LAMA3: variants seen among roughly 807,000 people sequenced by gnomAD.
LAMA3 encodes laminin subunit alpha 3.
In LAMA3, 281 loss-of-function variants were observed where a neutral mutation model predicts 402.0. The observed-to-expected ratio is 0.70, with a 90% confidence interval of 0.63 to 0.77. The LOEUF (loss-of-function observed/expected upper bound fraction) is 0.77, where lower values mean the gene tolerates loss of function less well. LAMA3 is among the 30% of genes least tolerant of loss of function. LAMA3 has a pLI of 0.00. For synonymous variants in LAMA3, 1,431 were observed against 1,558.4 expected (o/e 0.92, Z 1.93); for missense variants, 3,840 against 4,215.5 (o/e 0.91, Z 2.47).
chr18:23,937,407 A>C (rs1476143070), intron 67 of LAMA3, among the ~76,000 whole-genome samples: 1 of 149,218 alleles, frequency 6.7e-6, no homozygotes, highest in Non-Finnish European at 1.5e-5. Flanking sequence ...AAGAGGGCTG[A>C]CTTTCAGGGC....
chr18:23,879,321 A>G lies in LAMA3; in HGVS notation c.5113-2615A>G, dbSNP rs1178103272. Reference sequence around the variant, plus strand: ...CATTCCCTCCACACACTGCCATGCTATTGTGAGACTGAGGTTCTGCACGCT... The same window carrying G: ...CATTCCCTCCACACACTGCCATGCTGTTGTGAGACTGAGGTTCTGCACGCT... On this transcript the variant is annotated intron_variant, in intron 39 of 74. Coordinates refer to ENST00000313654, the MANE Select transcript of LAMA3 (RefSeq NM_198129.4). This position sits in a 1 kb window ranked among gnomAD's most constrained non-coding sequence, Gnocchi z 4.2. Among the ~76,000 whole-genome samples, 2 of 152,052 alleles carry G rather than the reference A, an allele frequency of 1.3e-5. No individual in the cohort carries two copies. Among genetic ancestry groups the G allele is most frequent in the Non-Finnish European group, 2.9e-5 (2 of 68,008 alleles).
At chr18:23,705,446 G>GAAATACAC (rs2060868496) in intron 1 of LAMA3, among the ~76,000 whole-genome samples, 1 of 82,122 alleles carries the variant, frequency 1.2e-5, no homozygotes, top group Non-Finnish European at 3.0e-5. Flanking sequence ...GTATTATCAT[G>GAAATACAC]ACATACACAC....
chr18:23,904,198 A>T, intron 50 of LAMA3, 111 bp downstream of exon 50: 1 of 1,249,192 alleles, frequency 8.0e-7, no homozygotes, highest in Non-Finnish European at 1.2e-6. Context: ...AACTGGGTGG[A>T]GGGCGGAGGG....
At chr18:23,732,277 T>C (rs1342392357) in intron 2 of LAMA3, among the ~76,000 whole-genome samples, 1 of 151,844 alleles carries the variant, frequency 6.6e-6, no homozygotes, top group Non-Finnish European at 1.5e-5. Context: ...CTGGGGCTAG[T>C]AGTAGGATGG....
At chr18:23,713,899 A>T (rs1301706586) in intron 1 of LAMA3, 21 bp from the exon 2 acceptor site, 11 of 1,605,054 alleles carry the variant, frequency 6.9e-6, no homozygotes, top group Non-Finnish European at 9.3e-6. Flanking sequence ...AAACAAAAAA[A>T]ACCCACTTTT....
chr18:23,831,164 G>A (rs144324134), intron 23 of LAMA3, among the ~76,000 whole-genome samples: 66 of 152,206 alleles, frequency 4.3e-4, no homozygotes, highest in African/African-American at 1.4e-3. Context: ...GCTGACCCAC[G>A]TCTGCTCTGC....
intron 1 of LAMA3, among the ~76,000 whole-genome samples, chr18:23,705,095 C>G (rs1364477795): frequency 1.3e-5 from 2 of 152,114 alleles, no homozygotes; most frequent in Admixed American, 6.6e-5. Context: ...AGCCTTGGTG[C>G]AATTCCAAGT....
intron 18 of LAMA3, among the ~76,000 whole-genome samples, chr18:23,817,085 G>C (rs996411892): frequency 6.6e-6 from 1 of 152,162 alleles, no homozygotes; most frequent in Non-Finnish European, 1.5e-5. Flanking sequence ...TGCGGTGGGG[G>C]TAGAGGGTAA....
Position 23,933,844 on chromosome 18 carries a change from T to C in LAMA3, c.8771T>C (p.Leu2924Pro). Residue 2924 changes from leucine to proline, a missense_variant, in exon 67 of 75, where the codon CTG (leucine) becomes CCG (proline). Physicochemically the swap from Leu to Pro is moderately conservative, Grantham distance 98. This residue lies in a region of LAMA3 where 840 missense variants were observed against 981.9 expected (regional missense o/e 0.86). Coordinates refer to ENST00000313654, the MANE Select transcript of LAMA3 (RefSeq NM_198129.4). ...AACTCTCTCAAGAGAGATGTGTCCC[T>C]GGGAGGCTGCAGTTTAAACAAACCA... is the stretch of plus-strand genomic sequence containing the variant. The part of the protein sequence containing the change: ...TSNSLKRDVS[L>P]GGCSLNKPPF... 6.2e-7 allele frequency: 1 copy of C among 1,614,088 alleles called. No homozygotes were observed. Among genetic ancestry groups the C allele is most frequent in the Non-Finnish European group, 8.5e-7 (1 of 1,179,906 alleles).
chr18:23,907,267 A>G (rs1568327965), intron 52 of LAMA3, among the ~76,000 whole-genome samples: 5 of 152,222 alleles, frequency 3.3e-5, no homozygotes, highest in Admixed American at 1.3e-4. Context: ...TCTTACTCTG[A>G]GCAGTTAAGA....
chr18:23,701,887 T>C (rs1312907085), intron 1 of LAMA3, among the ~76,000 whole-genome samples: 1 of 152,106 alleles, frequency 6.6e-6, no homozygotes, highest in Non-Finnish European at 1.5e-5. Flanking sequence ...TTGGAGTGAT[T>C]GAGAAACAGC....
intron 1 of LAMA3, among the ~76,000 whole-genome samples, chr18:23,699,024 T>TATAG (rs1160758126): frequency 3.5e-5 from 5 of 142,466 alleles, no homozygotes; most frequent in African/African-American, 1.3e-4. Context: ...GGCGGGCAGA[T>TATAG]AGAGAGAGAG....
chr18:23,863,812 T>C (rs1440398610), intron 35 of LAMA3, among the ~76,000 whole-genome samples: 1 of 152,140 alleles, frequency 6.6e-6, no homozygotes, highest in Non-Finnish European at 1.5e-5. Flanking sequence ...TCCTTCTTGA[T>C]TGTGTTTTAC....
intron 2 of LAMA3, among the ~76,000 whole-genome samples, chr18:23,723,557 A>C (rs1460461559): frequency 3.3e-5 from 5 of 152,158 alleles, no homozygotes; most frequent in Non-Finnish European, 7.4e-5. Flanking sequence ...ATACTTGAAC[A>C]TGCTAAGAGT....
rs139393175 is a variant in LAMA3 at position 23,899,393 on chromosome 18, G to A, written c.5942G>A (p.Arg1981Gln). ...AEAQRMMREL[R>Q]NRNFGKHLRE... is the part of the protein sequence containing the mutation. ...GCCCAGCGCATGATGAGGGAACTGC[G>A]GAACAGGAACTTTGGAAAGCACCTC... Residue 1981 changes from arginine (R) to glutamine (Q), a missense_variant, in exon 47 of 75, where the codon CGG becomes CAG. Arg to Gln is a conservative substitution (Grantham distance 43). Coordinates refer to ENST00000313654, the MANE Select transcript of LAMA3 (RefSeq NM_198129.4). 307 of 1,614,052 alleles carry A rather than the reference G, an allele frequency of 1.9e-4. No individual in the cohort carries two copies. The highest frequency in any genetic ancestry group is 8.8e-4 in the Admixed American group (53 of 60,016).
intron 73 of LAMA3, among the ~76,000 whole-genome samples, chr18:23,952,040 C>T (rs1342831274): frequency 6.6e-6 from 1 of 152,166 alleles, no homozygotes; most frequent in Non-Finnish European, 1.5e-5. Context: ...CACTAATAAG[C>T]TAGGCTAGTT....
rs777997343 is a variant in LAMA3 at position 23,890,104 on chromosome 18, TC to T, written c.5401del (p.Leu1801Ter). ...GCAATGGCCAGCTGGGCAGCTGTCATCCCCTGACTGGAGGTAAGGCCGACCC... is the reference window on the plus strand; with the variant it reads ...GCAATGGCCAGCTGGGCAGCTGTCATCCCTGACTGGAGGTAAGGCCGACCC... ...NSNGQLGSCH[P>X]LTGDCINQEP... is the part of the protein sequence containing the mutation. On this transcript the variant is annotated frameshift_variant, in exon 42 of 75. Transcript: ENST00000313654. LOFTEE classifies it high-confidence loss of function. 6.2e-7 allele frequency: 1 copy of T among 1,612,234 alleles called. No individual in the cohort carries two copies. Among genetic ancestry groups the T allele is most frequent in the Non-Finnish European group, 8.5e-7 (1 of 1,178,314 alleles).
chr18:23,934,513 G>A (rs1349327182), intron 67 of LAMA3, among the ~76,000 whole-genome samples: 1 of 152,178 alleles, frequency 6.6e-6, no homozygotes. Flanking sequence ...TCCTTATTTG[G>A]AGGAGCAGAA....
intron 60 of LAMA3, among the ~76,000 whole-genome samples, chr18:23,917,903 G>T (rs908259820): frequency 6.6e-6 from 1 of 151,878 alleles, no homozygotes; most frequent in African/African-American, 2.4e-5. Flanking sequence ...TGTTTTTGTT[G>T]CAATTGCTTT....
Sources: gnomAD v4.1 joint callset for allele counts (sites outside exome capture counted in the v4.1 genomes callset) on GRCh38, gnomAD v4.1.1 for gene constraint, gnomAD v4.1.1 regional missense constraint, Gnocchi (gnomAD v3.1) non-coding constraint, MANE v1.5 for transcripts, NCBI Gene and HGNC (gene_info 2026-07-23, HGNC 2026-07-21) for gene names.